GNG10: variants seen among roughly 807,000 people sequenced by gnomAD.
The protein encoded by GNG10 is G protein subunit gamma 10, also known as guanine nucleotide-binding protein G(I)/G(S)/G(O) subunit gamma-10.
In GNG10, 7 loss-of-function variants were observed where a neutral mutation model predicts 6.8. The observed-to-expected ratio is 1.02, with a 90% confidence interval of 0.58 to 1.92. GNG10 has a LOEUF of 1.92. Among genes scored for constraint, GNG10 ranks in the 30% most tolerant of loss-of-function variants. The pLI, the probability that GNG10 is intolerant of heterozygous loss-of-function variation, is 0.00. For synonymous variants in GNG10, 28 were observed against 34.8 expected, an observed-to-expected ratio of 0.80 and a Z score of 0.69; for missense variants, 57 against 86.1, an observed-to-expected ratio of 0.66 and a Z score of 1.34.
At chr9:111,667,745 A>G (rs565326899) in intron 2 of GNG10, among the ~76,000 whole-genome samples, 4 of 152,316 alleles carry the variant, frequency 2.6e-5, no homozygotes, top group African/African-American at 9.6e-5. Flanking sequence ...ATTGGGAAAA[A>G]GTGTGAGTGG....
At chr9:111,663,024 C>T (rs926452805) in intron 1 of GNG10, among the ~76,000 whole-genome samples, 1 of 148,782 alleles carries the variant, frequency 6.7e-6, no homozygotes, top group African/African-American at 2.5e-5. Flanking sequence ...GACAGGGCTA[C>T]GGGGGGGTGG....
chr9:111,665,950 G>A (rs1830890435), intron 1 of GNG10, among the ~76,000 whole-genome samples: 1 of 147,104 alleles, frequency 6.8e-6, no homozygotes, highest in South Asian at 2.2e-4. Context: ...TGGTCAGGCT[G>A]GTCTCGAACT....
chr9:111,664,763 G>T (rs1444404458), intron 1 of GNG10, among the ~76,000 whole-genome samples: 3 of 152,090 alleles, frequency 2.0e-5, no homozygotes, highest in Non-Finnish European at 2.9e-5. Flanking sequence ...CTTGAGCCTA[G>T]AGTTCAGTTA....
intron 1 of GNG10, among the ~76,000 whole-genome samples, chr9:111,665,951 G>C (rs1480947501): frequency 6.8e-6 from 1 of 146,260 alleles, no homozygotes. Context: ...GGTCAGGCTG[G>C]TCTCGAACTC....
chr9:111,662,045 G>C (rs1250442505), intron 1 of GNG10, among the ~76,000 whole-genome samples: 1 of 152,176 alleles, frequency 6.6e-6, no homozygotes, highest in Non-Finnish European at 1.5e-5. Context: ...TGGACCCAGG[G>C]CTGGGGAGGC....
chr9:111,664,653 A>G lies in GNG10; in HGVS notation c.82-2162A>G, dbSNP rs73539352. 7.8e-3 allele frequency among the ~76,000 whole-genome samples: 1,181 copies of G among 152,284 alleles called. 15 individuals are homozygous for G. Among genetic ancestry groups the G allele is most frequent in the African/African-American group, 0.027 (1,132 of 41,560 alleles). On this transcript the variant is annotated intron_variant, in intron 1 of 2. Coordinates refer to ENST00000374293, the MANE Select transcript of GNG10 (RefSeq NM_001017998.4). Reference sequence around the variant, plus strand: ...ATTTGGGCTTATAGTCTCCCAGCCCACAGCCTCTCTCCCTTGCTAGTGTTA... The same window carrying G: ...ATTTGGGCTTATAGTCTCCCAGCCCGCAGCCTCTCTCCCTTGCTAGTGTTA...
intron 2 of GNG10, among the ~76,000 whole-genome samples, chr9:111,668,907 A>G (rs536145312): frequency 1.4e-4 from 21 of 151,886 alleles, no homozygotes; most frequent in Admixed American, 3.3e-4. Context: ...TCCAGGCTGC[A>G]GTGCAATGGT....
chr9:111,666,283 A>G (rs1048044002), intron 1 of GNG10, among the ~76,000 whole-genome samples: 15 of 152,164 alleles, frequency 9.9e-5, no homozygotes, highest in African/African-American at 3.6e-4. Context: ...CCAAGGTTAT[A>G]TAGGTAGTGG....
At chr9:111,662,365 G>C (rs1483151458) in intron 1 of GNG10, among the ~76,000 whole-genome samples, 1 of 152,232 alleles carries the variant, frequency 6.6e-6, no homozygotes, top group East Asian at 1.9e-4. Context: ...TGGGACCCGG[G>C]GACCAGCCAC....
intron 2 of GNG10, 33 bp downstream of exon 2, chr9:111,666,979 C>T (rs769659122): frequency 1.2e-6 from 2 of 1,608,374 alleles, no homozygotes; most frequent in African/African-American, 1.3e-5. Context: ...GTCTTGGGCC[C>T]ATAGCATTAT....
At chr9:111,665,614 T>G (rs1187449922) in intron 1 of GNG10, among the ~76,000 whole-genome samples, 1 of 152,200 alleles carries the variant, frequency 6.6e-6, no homozygotes, top group Admixed American at 6.5e-5. Flanking sequence ...GATGGTTGTC[T>G]TACAGTTCCA....
chr9:111,667,079 C>A, intron 2 of GNG10, 133 bp downstream of exon 2: 1 of 1,409,352 alleles, frequency 7.1e-7, no homozygotes, highest in Non-Finnish European at 9.4e-7. Context: ...AAATGCACAA[C>A]TTTCCCTGAA....
chr9:111,667,241 C>CT (rs138880312), intron 2 of GNG10, among the ~76,000 whole-genome samples: 28,043 of 151,584 alleles, frequency 0.18, 3,136 homozygotes, highest in East Asian at 0.38. Flanking sequence ...TTCTTTCTTT[C>CT]TTTTTTTTGA....
chr9:111,665,982 C>G (rs1057420749), intron 1 of GNG10, among the ~76,000 whole-genome samples: 1 of 150,862 alleles, frequency 6.6e-6, no homozygotes, highest in Non-Finnish European at 1.5e-5. Context: ...GATCTGCCCC[C>G]GCTTGGGCTC....
chr9:111,661,756 C>A lies in GNG10; in HGVS notation c.81+41C>A. On this transcript the variant is annotated intron_variant, in intron 1 of 2. Coordinates refer to ENST00000374293, the MANE Select transcript of GNG10 (RefSeq NM_001017998.4). This position sits in a 1 kb window ranked among gnomAD's most constrained non-coding sequence, Gnocchi z 6.1. ...ACCCACGCTCCGGTCCTTCCGCCCG[C>A]GGGGCGTGAGAAGAGGAGGCCGGCG... is the stretch of plus-strand genomic sequence containing the variant. 1 of 1,211,292 alleles carries A rather than the reference C, an allele frequency of 8.3e-7. No homozygotes were observed. The highest frequency in any genetic ancestry group is 1.1e-6 in the Non-Finnish European group (1 of 938,152). 75.0% of individuals were successfully genotyped at this position (1,211,292 alleles called of 1,614,324 possible).
chr9:111,664,323 C>T (rs1393730702), intron 1 of GNG10, among the ~76,000 whole-genome samples: 1 of 152,146 alleles, frequency 6.6e-6, no homozygotes, highest in African/African-American at 2.4e-5. Context: ...CTTAGAGAGT[C>T]ACAACCATTC....
At chr9:111,663,026 G>A (rs532291049) in intron 1 of GNG10, among the ~76,000 whole-genome samples, 1 of 150,332 alleles carries the variant, frequency 6.7e-6, no homozygotes, top group Non-Finnish European at 1.5e-5. Flanking sequence ...CAGGGCTACG[G>A]GGGGGTGGGG....
At chr9:111,667,014 G>A in intron 2 of GNG10, 68 bp downstream of exon 2, 1 of 1,566,014 alleles carries the variant, frequency 6.4e-7, no homozygotes, top group South Asian at 1.2e-5. Flanking sequence ...AAGGACTTGA[G>A]CAACTGAGTT....
chr9:111,662,042 A>AGG (rs143370914), intron 1 of GNG10, among the ~76,000 whole-genome samples: 6,989 of 152,128 alleles, frequency 0.046, 556 homozygotes, highest in African/African-American at 0.16. Context: ...GGGTGGACCC[A>AGG]GGGCTGGGGA....
Sources: allele counts gnomAD v4.1 joint callset (sites outside exome capture counted in the v4.1 genomes callset), GRCh38; gene constraint gnomAD v4.1.1; non-coding constraint Gnocchi (gnomAD v3.1); transcripts MANE v1.5; gene names NCBI Gene and HGNC (gene_info 2026-07-23, HGNC 2026-07-21).